The following DPP6 variants were observed in gnomAD, a reference collection of about 807,000 sequenced individuals.
DPP6 encodes dipeptidyl peptidase like 6, also known as A-type potassium channel modulatory protein DPP6.
In DPP6, 69 loss-of-function variants were observed where a neutral mutation model predicts 122.6. That is an observed-to-expected ratio of 0.56 (90% CI 0.46 to 0.69). The LOEUF is 0.69. Ranked by LOEUF, DPP6 falls within the 30% of genes least tolerant of loss-of-function variation. The pLI is 0.00. For synonymous variants in DPP6, 418 were observed against 433.1 expected, an observed-to-expected ratio of 0.97 and a Z score of 0.43; for missense variants, 928 against 1,116.9, an observed-to-expected ratio of 0.83 and a Z score of 2.41.
chr7:153,773,373 G>A, the DPP6 span, among the ~76,000 whole-genome samples: 2 of 147,088 alleles, frequency 1.4e-5, no homozygotes, highest in Non-Finnish European at 3.0e-5. Context: ...AATTTGGAAA[G>A]ACTACTGTTA....
chr7:154,180,176 C>T (rs987510652), intron 1 of DPP6, among the ~76,000 whole-genome samples: 1 of 151,756 alleles, frequency 6.6e-6, no homozygotes, highest in Non-Finnish European at 1.5e-5. Context: ...GGTGAAACCT[C>T]GTCTCTACTA....
At chr7:154,064,805 ATCCAGCACTGG>A (rs541725064) in intron 1 of DPP6, among the ~76,000 whole-genome samples, 32 of 152,222 alleles carry the variant, frequency 2.1e-4, no homozygotes, top group Non-Finnish European at 1.0e-4. Context: ...TTTCTGGTTG[ATCCAGCACTGG>A]TCACATGGCC....
At chr7:154,558,917 C>T (rs1346728392) in intron 4 of DPP6, among the ~76,000 whole-genome samples, 1 of 151,992 alleles carries the variant, frequency 6.6e-6, no homozygotes, top group Admixed American at 6.6e-5. Context: ...ATAAAAAGTC[C>T]AATATTCTTT....
chr7:154,324,142 A>G (rs1200185599), intron 1 of DPP6, among the ~76,000 whole-genome samples: 1 of 152,164 alleles, frequency 6.6e-6, no homozygotes, highest in Non-Finnish European at 1.5e-5. Context: ...TTTCTGTTTG[A>G]TGATGGTCTA....
rs546138611 is a variant in DPP6, at chr7:153,987,947, G to A, written c.51+100213G>A. Among the ~76,000 whole-genome samples the A allele has an allele frequency of 1.7e-3, 253 of 152,248 alleles. 1 individual carries two copies. The highest frequency in any genetic ancestry group is 5.3e-3 in the African/African-American group (221 of 41,546). ...CCAGTATGGAATTGGTCAGCTTGGAGGAGGGGAAACAGAGTCAGGGGGAAG... is the reference window on the plus strand; with the variant it reads ...CCAGTATGGAATTGGTCAGCTTGGAAGAGGGGAAACAGAGTCAGGGGGAAG... On this transcript the variant is annotated intron_variant, in intron 1 of 25. Coordinates refer to the DPP6 transcript ENST00000404039.
chr7:154,284,846 C>A (rs768035768), intron 1 of DPP6, among the ~76,000 whole-genome samples: 2 of 152,170 alleles, frequency 1.3e-5, no homozygotes, highest in Non-Finnish European at 2.9e-5. Context: ...CAGAGCGAGA[C>A]TTCATCTCAA....
Position 154,241,183 on chromosome 7 carries a change from A to ATGTGTGTGTG in DPP6, c.243+188121_243+188122insGTGTGTGTGT, listed in dbSNP as rs1554498746. Among the ~76,000 whole-genome samples, 1 of 35,532 alleles carries ATGTGTGTGTG rather than the reference A, an allele frequency of 2.8e-5. No homozygotes were observed. Among genetic ancestry groups the ATGTGTGTGTG allele is most frequent in the Non-Finnish European group, 6.6e-5 (1 of 15,068 alleles). 23.3% of individuals were successfully genotyped at this position (35,532 alleles called of 152,430 possible). ...CTGCACAGTAGGTAATTCAATATCAATATGTGTGTGTGTGTGTGTGTGTGT... is the reference window on the plus strand; with the variant it reads ...CTGCACAGTAGGTAATTCAATATCAATGTGTGTGTGTATGTGTGTGTGTGTGTGTGTGTGT... On this transcript the variant is annotated intron_variant, in intron 1 of 25. Transcript: ENST00000377770. The surrounding 1 kb of genome is among the most constrained non-coding windows in gnomAD (Gnocchi z 9.0).
chr7:154,417,219 A>C (rs946924127), intron 1 of DPP6, among the ~76,000 whole-genome samples: 6 of 152,196 alleles, frequency 3.9e-5, no homozygotes, highest in African/African-American at 1.4e-4. Context: ...ACTCGCTGAC[A>C]TGGAAATTCC....
At chr7:154,238,992 A>G (rs1027329219) in intron 1 of DPP6, among the ~76,000 whole-genome samples, 1 of 152,104 alleles carries the variant, frequency 6.6e-6, no homozygotes, top group Non-Finnish European at 1.5e-5. Flanking sequence ...GAAACAGTTG[A>G]TCCATTTGAA....
intron 1 of DPP6, among the ~76,000 whole-genome samples, chr7:154,271,223 G>C (rs536176332): frequency 1.6e-4 from 24 of 152,296 alleles, no homozygotes; most frequent in Middle Eastern, 6.8e-3. Flanking sequence ...TGAGTTTAAA[G>C]ATTCAGTGAT....
At chr7:153,993,299 C>T (rs1404406735) in intron 1 of DPP6, among the ~76,000 whole-genome samples, 6 of 152,184 alleles carry the variant, frequency 3.9e-5, no homozygotes, top group African/African-American at 9.7e-5. Flanking sequence ...AGATTGATCC[C>T]GTCTTCTTAC....
At chr7:153,989,299 G>T (rs1797022695) in intron 1 of DPP6, among the ~76,000 whole-genome samples, 1 of 149,458 alleles carries the variant, frequency 6.7e-6, no homozygotes, top group Non-Finnish European at 1.5e-5. Context: ...CTGTGCAAGT[G>T]TGTGAGTGTG....
chr7:154,806,751 C>G (rs911509519), intron 15 of DPP6, among the ~76,000 whole-genome samples: 2 of 152,174 alleles, frequency 1.3e-5, no homozygotes, highest in East Asian at 3.9e-4. Context: ...GCCTTCCAGC[C>G]CTCCCACAAG....
chr7:154,701,619 T>G (rs1485383407), intron 7 of DPP6, among the ~76,000 whole-genome samples: 3 of 152,210 alleles, frequency 2.0e-5, no homozygotes, highest in African/African-American at 7.2e-5. Context: ...ATATCATTGC[T>G]TCACTCACCA....
At chr7:154,517,817 G>A in intron 3 of DPP6, among the ~76,000 whole-genome samples, 1 of 151,970 alleles carries the variant, frequency 6.6e-6, no homozygotes, top group Non-Finnish European at 1.5e-5. Context: ...ACAGAACTTG[G>A]GCACTTAAGA....
intron 7 of DPP6, among the ~76,000 whole-genome samples, chr7:154,688,035 G>A (rs1184663407): frequency 6.6e-6 from 1 of 152,204 alleles, no homozygotes; most frequent in East Asian, 1.9e-4. Flanking sequence ...TTTGTCCACT[G>A]TTGTAACAAC....
chr7:154,387,829 G>C (rs1460937421), intron 1 of DPP6, among the ~76,000 whole-genome samples: 1 of 152,078 alleles, frequency 6.6e-6, no homozygotes, highest in African/African-American at 2.4e-5. Context: ...GTAGCTCTTT[G>C]TACGCCATAC....
intron 1 of DPP6, among the ~76,000 whole-genome samples, chr7:154,149,245 G>A (rs1180420714): frequency 1.3e-5 from 2 of 152,396 alleles, no homozygotes; most frequent in African/African-American, 2.4e-5. Context: ...TCCTGCACAC[G>A]CTGCCCCAGC....
chr7:154,522,926 T>G (rs1319621379), intron 3 of DPP6, among the ~76,000 whole-genome samples: 1 of 152,160 alleles, frequency 6.6e-6, no homozygotes, highest in African/African-American at 2.4e-5. Flanking sequence ...CACAGTTTAG[T>G]CTTTCTCAAT....
Sources: allele counts gnomAD v4.1 joint callset (sites outside exome capture counted in the v4.1 genomes callset), GRCh38; gene constraint gnomAD v4.1.1; non-coding constraint Gnocchi (gnomAD v3.1); transcripts MANE v1.5; gene names NCBI Gene and HGNC (gene_info 2026-07-23, HGNC 2026-07-21).